Variants in NELL1 observed in about 807,000 individuals in gnomAD.
NELL1 encodes the protein protein kinase C-binding protein NELL1.
Under a neutral mutation model 107.4 loss-of-function variants are expected in NELL1, and 76 were observed. That is an observed-to-expected ratio of 0.71 (90% CI 0.59 to 0.86). The LOEUF (loss-of-function observed/expected upper bound fraction) is 0.86, where lower values mean the gene tolerates loss of function less well. Ranked by LOEUF, NELL1 falls within the 40% of genes least tolerant of loss-of-function variation. The probability of loss-of-function intolerance (pLI) is 0.00; values close to 1 mark genes in which losing one functional copy is unlikely to be tolerated. For synonymous variants in NELL1, 353 were observed against 341.2 expected, an observed-to-expected ratio of 1.03 and a Z score of -0.38; for missense variants, 1,024 against 1,005.5, an observed-to-expected ratio of 1.02 and a Z score of -0.25.
intron 4 of NELL1, among the ~76,000 whole-genome samples, chr11:20,851,724 ATC>A (rs1223824060): frequency 1.3e-5 from 2 of 152,202 alleles, no homozygotes; most frequent in Non-Finnish European, 2.9e-5. Flanking sequence ...TGGGTACACT[ATC>A]TCTGCCAGGC....
chr11:21,187,192 C>T (rs190582060), intron 13 of NELL1, among the ~76,000 whole-genome samples: 17 of 151,768 alleles, frequency 1.1e-4, no homozygotes, highest in African/African-American at 3.2e-4. Context: ...TGGGGTTAGT[C>T]AAGGGAAGAC....
chr11:21,147,553 C>T (rs1338523681), intron 13 of NELL1, among the ~76,000 whole-genome samples: 1 of 151,986 alleles, frequency 6.6e-6, no homozygotes, highest in Non-Finnish European at 1.5e-5. Flanking sequence ...GAGATATAGG[C>T]TGGGCATGGT....
At chr11:21,512,130 C>T (rs1855453626) in intron 15 of NELL1, among the ~76,000 whole-genome samples, 1 of 152,120 alleles carries the variant, frequency 6.6e-6, no homozygotes, top group East Asian at 1.9e-4. Flanking sequence ...TCCAGAAATA[C>T]CCTTGTGAGT....
intron 16 of NELL1, among the ~76,000 whole-genome samples, chr11:21,550,437 A>T (rs7925440): frequency 0.13 from 20,391 of 151,716 alleles, 1,444 homozygotes; most frequent in Middle Eastern, 0.19. Flanking sequence ...CTGAATGGTA[A>T]TACCTAGGTT....
At chr11:21,204,152 G>A (rs770059125) in intron 13 of NELL1, among the ~76,000 whole-genome samples, 1 of 152,002 alleles carries the variant, frequency 6.6e-6, no homozygotes, top group Non-Finnish European at 1.5e-5. Flanking sequence ...TTTGAATGTT[G>A]GTCTGTCTTG....
chr11:21,064,794 C>T (rs948114715), intron 12 of NELL1, among the ~76,000 whole-genome samples: 2 of 152,088 alleles, frequency 1.3e-5, no homozygotes, highest in Non-Finnish European at 2.9e-5. Flanking sequence ...CCCACATCTC[C>T]TATTAAATAA....
intron 8 of NELL1, 112 bp downstream of exon 8, chr11:20,927,554 G>GT: frequency 9.3e-7 from 1 of 1,072,188 alleles, no homozygotes. Context: ...GAATTGTTAG[G>GT]TTTTTACCTA....
intron 2 of NELL1, among the ~76,000 whole-genome samples, chr11:20,698,402 T>G (rs1281606524): frequency 8.5e-5 from 13 of 152,104 alleles, no homozygotes. Context: ...AAATAGTACA[T>G]TAAGGAAAGC....
chr11:20,933,491 T>A (rs150534868), intron 9 of NELL1, among the ~76,000 whole-genome samples: 5 of 152,280 alleles, frequency 3.3e-5, no homozygotes, highest in Non-Finnish European at 7.4e-5. Flanking sequence ...TAGTTTGATG[T>A]GGGTGTCTTG....
chr11:21,440,192 T>C (rs546169743), intron 15 of NELL1, among the ~76,000 whole-genome samples: 3 of 152,242 alleles, frequency 2.0e-5, no homozygotes, highest in East Asian at 1.9e-4. Flanking sequence ...AACTAACACC[T>C]GAGGAATGAA....
At position 21,057,649 on chromosome 11, in the gene NELL1, A is replaced by C. The variant is rs932710707; in HGVS notation, c.1301-55940A>C. Among the ~76,000 whole-genome samples the C allele has an allele frequency of 5.3e-4, 81 of 152,112 alleles. 1 individual carries two copies. Among genetic ancestry groups the C allele is most frequent in the African/African-American group, 1.9e-3 (79 of 41,560 alleles). On this transcript the variant is annotated intron_variant, in intron 12 of 19. Transcript: ENST00000357134. ...AGAAAATATGCAATGAAAAGAAATG[A>C]ATATTTGGTATATTATTATGTATAC...
chr11:21,005,311 T>TACAAATTAGGTA (rs1330874834), intron 12 of NELL1, among the ~76,000 whole-genome samples: 1 of 152,226 alleles, frequency 6.6e-6, no homozygotes, highest in East Asian at 1.9e-4. Flanking sequence ...TTTCTGTGTT[T>TACAAATTAGGTA]ACAAATTAGG....
intron 12 of NELL1, among the ~76,000 whole-genome samples, chr11:20,964,590 AG>A (rs1327678731): frequency 6.6e-6 from 1 of 152,196 alleles, no homozygotes; most frequent in African/African-American, 2.4e-5. Context: ...TGAAGTAAAA[AG>A]ATGATCCTCA....
chr11:21,185,190 T>A (rs1856907672), intron 13 of NELL1, among the ~76,000 whole-genome samples: 4 of 151,870 alleles, frequency 2.6e-5, no homozygotes, highest in Admixed American at 2.6e-4. Flanking sequence ...TCTCTCTTGA[T>A]GTCTGCTACT....
intron 13 of NELL1, among the ~76,000 whole-genome samples, chr11:21,154,131 G>C (rs1185706965): frequency 6.6e-6 from 1 of 152,178 alleles, no homozygotes; most frequent in Non-Finnish European, 1.5e-5. Flanking sequence ...TGAAAGGTTT[G>C]ATTGAGCTGA....
chr11:21,209,420 CA>C (rs1386090318), intron 13 of NELL1, among the ~76,000 whole-genome samples: 1 of 151,132 alleles, frequency 6.6e-6, no homozygotes, highest in Non-Finnish European at 1.5e-5. Flanking sequence ...GGAAATATGG[CA>C]TATACCTGGG....
At chr11:20,731,023 A>G (rs560646058) in intron 2 of NELL1, among the ~76,000 whole-genome samples, 1 of 152,270 alleles carries the variant, frequency 6.6e-6, no homozygotes, top group African/African-American at 2.4e-5. Context: ...TTCTAAATGC[A>G]CTTTATTTTC....
intron 2 of NELL1, among the ~76,000 whole-genome samples, chr11:20,705,896 C>T (rs544539968): frequency 1.1e-4 from 17 of 152,170 alleles, no homozygotes; most frequent in African/African-American, 3.4e-4. Flanking sequence ...ATTTATGCAG[C>T]CAAAAGACAC....
chr11:21,175,850 C>G lies in NELL1; in HGVS notation c.1427-53482C>G, dbSNP rs763887825. ...GTCATAGTCAATGAAAAAGTTGAGGCTTTGTGCCGTCCAATTTTGCCTTAC... is the reference window on the plus strand; with the variant it reads ...GTCATAGTCAATGAAAAAGTTGAGGGTTTGTGCCGTCCAATTTTGCCTTAC... On this transcript the variant is annotated intron_variant, in intron 13 of 19. Transcript: ENST00000357134. 2.0e-5 allele frequency among the ~76,000 whole-genome samples: 3 copies of G among 151,816 alleles called. No homozygotes were observed. In the East Asian group the frequency reaches 5.8e-4, roughly 29 times the overall value.
Sources: gnomAD v4.1 joint callset for allele counts (sites outside exome capture counted in the v4.1 genomes callset) on GRCh38, gnomAD v4.1.1 for gene constraint, MANE v1.5 for transcripts, NCBI Gene and HGNC (gene_info 2026-07-23, HGNC 2026-07-21) for gene names.